CPNE4: variants seen among roughly 807,000 people sequenced by gnomAD.
CPNE4 encodes copine-4.
Under a neutral mutation model 67.9 loss-of-function variants are expected in CPNE4, and 25 were observed. The ratio of observed to expected loss-of-function variants is 0.37; its 90% CI spans 0.27 to 0.51. The LOEUF is 0.51. CPNE4 is among the 20% of genes least tolerant of loss of function. The pLI, the probability that CPNE4 is intolerant of heterozygous loss-of-function variation, is 0.93. For synonymous variants in CPNE4, 242 were observed against 244.9 expected, an observed-to-expected ratio of 0.99 and a Z score of 0.11; for missense variants, 464 against 690.8, an observed-to-expected ratio of 0.67 and a Z score of 3.68.
At chr3:131,928,358 A>G (rs935568189) in intron 1 of CPNE4, among the ~76,000 whole-genome samples, 2 of 152,222 alleles carry the variant, frequency 1.3e-5, no homozygotes, top group African/African-American at 4.8e-5. Flanking sequence ...ATTTAACACA[A>G]AAGCTTTGTA....
intron 1 of CPNE4, among the ~76,000 whole-genome samples, chr3:131,999,241 T>TAAAAAGAAA (rs2073367909): frequency 1.0e-5 from 1 of 98,834 alleles, no homozygotes; most frequent in African/African-American, 5.4e-5. Context: ...TTATCCAAGG[T>TAAAAAGAAA]AAAAAAAAAA....
chr3:131,673,798 C>G (rs562454420), intron 6 of CPNE4, among the ~76,000 whole-genome samples: 2 of 152,070 alleles, frequency 1.3e-5, no homozygotes, highest in East Asian at 3.9e-4. Context: ...TTTGAATGCC[C>G]TTTATTTCTT....
At chr3:131,752,261 A>G (rs2107798800) in intron 2 of CPNE4, among the ~76,000 whole-genome samples, 1 of 152,178 alleles carries the variant, frequency 6.6e-6, no homozygotes, top group Admixed American at 6.5e-5. Flanking sequence ...TCCCCTGCCC[A>G]CCTGGTCTTT....
chr3:131,792,687 G>GTATATATATACATATATACACGTGTA, intron 2 of CPNE4, among the ~76,000 whole-genome samples: 1 of 46,532 alleles, frequency 2.1e-5, no homozygotes, highest in Admixed American at 3.0e-4. Context: ...ATACACACGT[G>GTATATATATACATATATACACGTGTA]TATATATACA....
At chr3:131,959,792 C>T (rs1211686198) in intron 1 of CPNE4, among the ~76,000 whole-genome samples, 1 of 152,128 alleles carries the variant, frequency 6.6e-6, no homozygotes, top group Non-Finnish European at 1.5e-5. Flanking sequence ...CTGAGCTGCC[C>T]ACTCACACAA....
chr3:131,963,951 T>C (rs1365720101), intron 1 of CPNE4, among the ~76,000 whole-genome samples: 1 of 152,132 alleles, frequency 6.6e-6, no homozygotes, highest in East Asian at 1.9e-4. Flanking sequence ...TAGCAGGGGT[T>C]GACAGGCACC....
At chr3:132,002,129 A>G (rs928204895) in intron 1 of CPNE4, among the ~76,000 whole-genome samples, 8 of 152,134 alleles carry the variant, frequency 5.3e-5, no homozygotes, top group Non-Finnish European at 1.0e-4. Flanking sequence ...TGGCACCCAC[A>G]CCCACTATGG....
intron 7 of CPNE4, among the ~76,000 whole-genome samples, chr3:131,639,971 A>G (rs990959018): frequency 1.3e-5 from 2 of 152,218 alleles, no homozygotes; most frequent in Non-Finnish European, 2.9e-5. Context: ...CTTTATGATT[A>G]AAACCCTTGG....
intron 2 of CPNE4, among the ~76,000 whole-genome samples, chr3:131,738,315 T>C (rs1399259247): frequency 6.6e-6 from 1 of 152,286 alleles, no homozygotes. Context: ...AATCCCATTA[T>C]ACACATCTTA....
chr3:131,552,355 T>C (rs1582780164), intron 13 of CPNE4, 85 bp downstream of exon 13: 1 of 1,130,718 alleles, frequency 8.8e-7, no homozygotes. Context: ...GTAACTAATA[T>C]GCTACACCAG....
At chr3:131,696,812 A>G (rs1439653649) in intron 4 of CPNE4, among the ~76,000 whole-genome samples, 196 bp from the exon 5 acceptor site, 1 of 152,208 alleles carries the variant, frequency 6.6e-6, no homozygotes, top group Admixed American at 6.5e-5. Flanking sequence ...GACAATGGTA[A>G]ATAACTAGAC....
Position 131,905,306 on chromosome 3 carries a change from G to C in CPNE4, c.138C>G (p.Pro46=). 1 of 1,613,500 alleles carries C rather than the reference G, an allele frequency of 6.2e-7. No individual in the cohort carries two copies. Among genetic ancestry groups the C allele is most frequent in the East Asian group, 2.2e-5 (1 of 44,864 alleles). Residue 46 remains proline (P), a synonymous_variant, in exon 2 of 16, where the codon CCC becomes CCG. Transcript: ENST00000429747. ...GAGACTGCATCTTGAGGATGACACA[G>C]GGGTCTGGTTTGGAAAGGGCATCTC... is the stretch of plus-strand genomic sequence containing the variant. ...SDRDALSKPD[P]CVILKMQSHG...
At chr3:131,861,674 C>A (rs1357316332) in intron 2 of CPNE4, among the ~76,000 whole-genome samples, 1 of 152,162 alleles carries the variant, frequency 6.6e-6, no homozygotes, top group Non-Finnish European at 1.5e-5. Flanking sequence ...CTCAGGCGAT[C>A]CACCGGCCTC....
chr3:131,751,859 G>A (rs9875838), intron 2 of CPNE4, among the ~76,000 whole-genome samples: 31,472 of 151,642 alleles, frequency 0.21, 4,019 homozygotes, highest in Non-Finnish European at 0.27. Flanking sequence ...GGTGAAGATA[G>A]AAGTCCAAAT....
chr3:132,011,024 C>G (rs1375154190), intron 1 of CPNE4, among the ~76,000 whole-genome samples: 3 of 152,202 alleles, frequency 2.0e-5, no homozygotes, highest in Non-Finnish European at 4.4e-5. Flanking sequence ...TAGAAAATAG[C>G]TTGGAAACCA....
intron 7 of CPNE4, among the ~76,000 whole-genome samples, chr3:131,614,629 A>G (rs117128824): frequency 6.6e-6 from 1 of 152,218 alleles, no homozygotes; most frequent in Non-Finnish European, 1.5e-5. Context: ...TGACAGAAGA[A>G]GTAGGAGAAA....
At chr3:131,637,946 A>G (rs2079436861) in intron 7 of CPNE4, among the ~76,000 whole-genome samples, 1 of 152,200 alleles carries the variant, frequency 6.6e-6, no homozygotes, top group Non-Finnish European at 1.5e-5. Flanking sequence ...AGCTTAATAA[A>G]TGAAGGAAAG....
At chr3:131,753,040 G>A (rs531414064) in intron 2 of CPNE4, among the ~76,000 whole-genome samples, 1 of 151,214 alleles carries the variant, frequency 6.6e-6, no homozygotes, top group African/African-American at 2.4e-5. Context: ...AAATATAAAA[G>A]CTAATGTTGC....
intron 7 of CPNE4, among the ~76,000 whole-genome samples, chr3:131,653,208 C>A (rs941602607): frequency 7.4e-6 from 1 of 135,486 alleles, no homozygotes; most frequent in Non-Finnish European, 1.5e-5. Context: ...TGCAGTGGTG[C>A]GATCTCGGCT....
Sources: gnomAD v4.1 joint callset for allele counts (sites outside exome capture counted in the v4.1 genomes callset) on GRCh38, gnomAD v4.1.1 for gene constraint, MANE v1.5 for transcripts, NCBI Gene and HGNC (gene_info 2026-07-23, HGNC 2026-07-21) for gene names.